Variants in DENND1A observed in about 807,000 individuals in gnomAD.
The protein encoded by DENND1A is DENN domain containing 1A.
A neutral mutation model predicts 113.7 loss-of-function variants in DENND1A; 51 were observed. The observed-to-expected ratio is 0.45, with a 90% CI of 0.36 to 0.57. The LOEUF is 0.57. DENND1A is among the 20% of genes least tolerant of loss of function. The pLI, the probability that DENND1A is intolerant of heterozygous loss-of-function variation, is 0.00. For synonymous variants in DENND1A, 565 were observed against 570.8 expected (o/e 0.99, Z 0.14); for missense variants, 1,258 against 1,395.9 (o/e 0.90, Z 1.57).
At chr9:123,699,837 A>G (rs1308163415) in intron 5 of DENND1A, among the ~76,000 whole-genome samples, 2 of 151,930 alleles carry the variant, frequency 1.3e-5, no homozygotes, top group Non-Finnish European at 2.9e-5. Flanking sequence ...AGCTGGGATT[A>G]CAGGCATGTG....
rs2061486502 is a variant in DENND1A at position 123,631,783 on chromosome 9, T to A, written c.619-1307A>T. On this transcript the variant is annotated intron_variant, in intron 9 of 23. Transcript: ENST00000394215. ...TTTTTTTTCTTGAGAGCTAGAGACA[T>A]CATACAATCAGTATTTGATGCAATT... 3.9e-5 allele frequency among the ~76,000 whole-genome samples: 6 copies of A among 152,056 alleles called. No homozygotes were observed. In the South Asian group the frequency reaches 1.2e-3, roughly 32 times the overall value.
chr9:123,492,811 G>A (rs749869673), intron 13 of DENND1A: 12 of 152,294 alleles, frequency 7.9e-5, no homozygotes, highest in East Asian at 1.9e-4. Flanking sequence ...CTCCAACATC[G>A]TCTCTTTGTT....
In DENND1A at chr9:123,448,413, A is replaced by T. The variant is rs1269013818; in HGVS notation, c.1356+2280T>A. On this transcript the variant is annotated intron_variant, in intron 18 of 23. Coordinates refer to ENST00000394215, the MANE Select transcript of DENND1A (RefSeq NM_001352964.2). ...GTCTGTAGCTTAACGGTCTGCAGAGAGTGGATCTGACCAATGAGGGCGCAT... is the reference window on the plus strand; with the variant it reads ...GTCTGTAGCTTAACGGTCTGCAGAGTGTGGATCTGACCAATGAGGGCGCAT... Among the ~76,000 whole-genome samples the T allele has an allele frequency of 2.6e-5, 4 of 151,762 alleles. No homozygotes were observed. The East Asian group carries it at 7.7e-4, about 29-fold the overall frequency.
At chr9:123,895,870 T>A (rs149441517) in intron 1 of DENND1A, among the ~76,000 whole-genome samples, 1 of 152,022 alleles carries the variant, frequency 6.6e-6, no homozygotes, top group African/African-American at 2.4e-5. Flanking sequence ...ATGACCAAGG[T>A]GATGAAGAAA....
chr9:123,453,805 G>A (rs2047911255), intron 16 of DENND1A, among the ~76,000 whole-genome samples: 1 of 152,144 alleles, frequency 6.6e-6, no homozygotes, highest in East Asian at 1.9e-4. Context: ...GTAGGACAAT[G>A]GGAAATTTTC....
At chr9:123,790,404 C>T (rs895449913) in intron 3 of DENND1A, among the ~76,000 whole-genome samples, 3 of 151,584 alleles carry the variant, frequency 2.0e-5, no homozygotes, top group Non-Finnish European at 2.9e-5. Context: ...AAAAGGAAAT[C>T]GTATGTGTCA....
chr9:123,759,931 T>C (rs910322154), intron 4 of DENND1A, among the ~76,000 whole-genome samples: 3 of 152,216 alleles, frequency 2.0e-5, no homozygotes, highest in Non-Finnish European at 4.4e-5. Flanking sequence ...CCTTTGAAGA[T>C]GTATATCCAT....
intron 2 of DENND1A, among the ~76,000 whole-genome samples, chr9:123,804,424 A>G (rs1835202063): frequency 6.6e-6 from 1 of 152,024 alleles, no homozygotes; most frequent in African/African-American, 2.4e-5. Context: ...AAAGCATCCC[A>G]CTCTCCTGCC....
Position 123,380,136 on chromosome 9 carries a change from G to A in DENND1A, c.*1296C>T, listed in dbSNP as rs1445869062. ...CCCCAGACACCCCTGGGTAGACTGTGTCTGACCCTTCACAAATAGGAAATG... is the reference window on the plus strand; with the variant it reads ...CCCCAGACACCCCTGGGTAGACTGTATCTGACCCTTCACAAATAGGAAATG... On this transcript the variant is annotated 3_prime_UTR_variant, in exon 24 of 24. Transcript: ENST00000394215. The A allele has an allele frequency of 1.3e-5, 2 of 152,204 alleles. No homozygotes were observed. Among genetic ancestry groups the A allele is most frequent in the South Asian group, 2.1e-4 (1 of 4,826 alleles). 9.4% of individuals were successfully genotyped at this position (152,204 alleles called of 1,614,324 possible). A position where few individuals can be genotyped will look rare whatever the true frequency, so the allele number is the denominator to read the frequency against.
At chr9:123,392,184 C>G (rs756094713) in intron 21 of DENND1A, among the ~76,000 whole-genome samples, 1 of 152,136 alleles carries the variant, frequency 6.6e-6, no homozygotes, top group East Asian at 1.9e-4. Flanking sequence ...CTCTCTGCCG[C>G]GCCGGGATCG....
chr9:123,398,848 G>GC (rs1483966251), intron 21 of DENND1A, among the ~76,000 whole-genome samples: 1 of 150,640 alleles, frequency 6.6e-6, no homozygotes, highest in African/African-American at 2.4e-5. Flanking sequence ...AGGCTGGAGT[G>GC]CAATGGTGTG....
chr9:123,868,742 A>T (rs1846121157), intron 2 of DENND1A, among the ~76,000 whole-genome samples: 1 of 152,244 alleles, frequency 6.6e-6, no homozygotes, highest in Admixed American at 6.5e-5. Flanking sequence ...ATCATAATTT[A>T]TACCCAGATG....
At chr9:123,712,213 A>C (rs1376624952) in intron 5 of DENND1A, among the ~76,000 whole-genome samples, 1 of 152,220 alleles carries the variant, frequency 6.6e-6, no homozygotes, top group East Asian at 1.9e-4. Flanking sequence ...TCAAATCTTT[A>C]ATCTTCATAC....
intron 13 of DENND1A, among the ~76,000 whole-genome samples, chr9:123,482,956 C>T (rs2050472057): frequency 6.6e-6 from 1 of 152,076 alleles, no homozygotes; most frequent in African/African-American, 2.4e-5. Context: ...CAACAGGGAA[C>T]CCTAAAATTT....
At position 123,450,688 on chromosome 9, in the gene DENND1A, A is replaced by G. The variant is rs767123172; in HGVS notation, c.1356+5T>C. 1.2e-6 allele frequency: 2 copies of G among 1,609,914 alleles called. No homozygotes were observed. The highest frequency in any genetic ancestry group is 1.7e-5 in the Admixed American group (1 of 59,018). On this transcript the variant is annotated splice_donor_5th_base_variant and intron_variant, in intron 18 of 23. Transcript: ENST00000394215. ...TTATACATTTTGAATAAGAACTTCA[A>G]GTACCTTTTGCTTCAAGCGGTTTTT... is the stretch of plus-strand genomic sequence containing the variant.
intron 12 of DENND1A, among the ~76,000 whole-genome samples, chr9:123,568,865 C>T (rs1204051469): frequency 1.3e-5 from 2 of 152,150 alleles, no homozygotes; most frequent in East Asian, 3.8e-4. Context: ...ACAGTGTCCC[C>T]GCTGTGATGA....
chr9:123,834,682 A>G (rs1023748086), intron 2 of DENND1A, among the ~76,000 whole-genome samples: 3 of 152,220 alleles, frequency 2.0e-5, no homozygotes, highest in African/African-American at 7.2e-5. Context: ...GGTTTTCTCC[A>G]AGAAACAAAA....
At chr9:123,421,009 T>C (rs2131803128) in intron 19 of DENND1A, among the ~76,000 whole-genome samples, 1 of 150,240 alleles carries the variant, frequency 6.7e-6, no homozygotes, top group East Asian at 2.0e-4. Context: ...GGCAGGGACC[T>C]CGCTGACGTA....
intron 22 of DENND1A, among the ~76,000 whole-genome samples, chr9:123,386,348 GACACCAGCTTAGGCCACT>G: frequency 6.6e-6 from 1 of 150,624 alleles, no homozygotes; most frequent in African/African-American, 2.4e-5. Flanking sequence ...ATGCTTGGAT[GACACCAGCTTAGGCCACT>G]ACTTTCTTTT....
Sources: gnomAD v4.1 joint callset for allele counts (sites outside exome capture counted in the v4.1 genomes callset) on GRCh38, gnomAD v4.1.1 for gene constraint, MANE v1.5 for transcripts, NCBI Gene and HGNC (gene_info 2026-07-23, HGNC 2026-07-21) for gene names.